The following RB1 variants were observed in gnomAD, a reference collection of about 807,000 sequenced individuals.
RB1 encodes RB transcriptional corepressor 1.
A neutral mutation model predicts 135.4 loss-of-function variants in RB1; 18 were observed. The ratio of observed to expected loss-of-function variants is 0.13; its 90% CI spans 0.09 to 0.20. RB1 has a LOEUF of 0.20. Among genes scored for constraint, RB1 ranks in the 10% least tolerant of loss-of-function variants. The probability of loss-of-function intolerance (pLI) is 1.00; values close to 1 mark genes in which losing one functional copy is unlikely to be tolerated. For synonymous variants in RB1, 365 were observed against 373.2 expected (o/e 0.98, Z 0.25); for missense variants, 868 against 1,110.0 (o/e 0.78, Z 3.10).
chr13:48,318,007 C>A, intron 2 of RB1: 1 of 495,114 alleles, frequency 2.0e-6, no homozygotes, highest in South Asian at 1.8e-5. Flanking sequence ...CCACTGAACT[C>A]CTGTCGTCAG....
chr13:48,427,135 A>T (rs200192780), intron 17 of RB1, among the ~76,000 whole-genome samples: 1 of 150,802 alleles, frequency 6.6e-6, no homozygotes, highest in South Asian at 2.1e-4. Context: ...ACCAAACCTC[A>T]CCTCCAGCAT....
intron 17 of RB1, among the ~76,000 whole-genome samples, chr13:48,447,219 C>G (rs1199236422): frequency 6.6e-6 from 1 of 152,080 alleles, no homozygotes; most frequent in African/African-American, 2.4e-5. Flanking sequence ...ATGGTAAAGA[C>G]TAGGGAGAAG....
At position 48,320,337 on chromosome 13, in the gene RB1, C is replaced by G. The variant is rs1413164989; in HGVS notation, c.264+12931C>G. ...GCAGCGTGCTGATGAGCATCTGCACCCGGGCGCTCACCGACACGCTCTCCA... is the reference window on the plus strand; with the variant it reads ...GCAGCGTGCTGATGAGCATCTGCACGCGGGCGCTCACCGACACGCTCTCCA... On this transcript the variant is annotated intron_variant, in intron 2 of 26. Transcript: ENST00000267163. 2.4e-6 allele frequency: 3 copies of G among 1,254,390 alleles called. No homozygotes were observed. In the African/African-American group the frequency reaches 4.4e-5, roughly 18 times the overall value. 77.7% of individuals were successfully genotyped at this position (1,254,390 alleles called of 1,614,324 possible).
In RB1 at chr13:48,480,064, A is replaced by G; in HGVS notation, c.2780A>G (p.Glu927Gly). Reference sequence around the variant, plus strand: ...AGCATGGATACCTCAAACAAGGAAGAGAAATGAGGATCTCAGGACCTTGGT... The same window carrying G: ...AGCATGGATACCTCAAACAAGGAAGGGAAATGAGGATCTCAGGACCTTGGT... ...NDSMDTSNKE[E>G]K The change falls in exon 27 of 27, where the codon GAG becomes GGG. Residue 927 changes from glutamate (E) to glycine (G), a missense_variant. Transcript: ENST00000267163. 6.2e-7 allele frequency: 1 copy of G among 1,611,838 alleles called. No homozygotes were observed. Among genetic ancestry groups the G allele is most frequent in the East Asian group, 2.2e-5 (1 of 44,820 alleles).
chr13:48,303,961 G>A lies in RB1; in HGVS notation c.49G>A (p.Ala17Thr), dbSNP rs1566174092. 6.6e-7 allele frequency: 1 copy of A among 1,508,914 alleles called. No homozygotes were observed. The highest frequency in any genetic ancestry group is 2.7e-5 in the East Asian group (1 of 37,632). The allele number at this position is 1,508,914 out of a possible 1,614,324, so 93.5% of individuals were successfully genotyped here. ...AACGGCCGCCACCGCCGCCGCTGCCGCCGCGGAACCCCCGGCACCGCCGCC... is the reference window on the plus strand; with the variant it reads ...AACGGCCGCCACCGCCGCCGCTGCCACCGCGGAACCCCCGGCACCGCCGCC... ...RKTAATAAAA[A>T]AEPPAPPPPP... The change falls in exon 1 of 27, where the codon GCC becomes ACC. Residue 17 changes from alanine to threonine, a missense_variant. Physicochemically the swap from Ala to Thr is moderately conservative, Grantham distance 58. Transcript: ENST00000267163.
At chr13:48,414,446 A>G (rs1324658273) in intron 17 of RB1, among the ~76,000 whole-genome samples, 2 of 152,072 alleles carry the variant, frequency 1.3e-5, no homozygotes, top group African/African-American at 4.8e-5. Context: ...TATTTCCTCA[A>G]AGATTGAGGA....
At chr13:48,391,908 C>T (rs1047884535) in intron 17 of RB1, among the ~76,000 whole-genome samples, 2 of 152,148 alleles carry the variant, frequency 1.3e-5, no homozygotes, top group African/African-American at 4.8e-5. Context: ...GCATGAGCCA[C>T]CGCACCCAGC....
Position 48,412,293 on chromosome 13 carries a change from C to T in RB1, c.1695+30850C>T, listed in dbSNP as rs201386780. On this transcript the variant is annotated intron_variant, in intron 17 of 26. Coordinates refer to ENST00000267163, the MANE Select transcript of RB1 (RefSeq NM_000321.3). Reference sequence around the variant, plus strand: ...AGTTTCATTTCGGACTTTGAGGACGCAGATGAAAATGTATATGGCAACACA... The same window carrying T: ...AGTTTCATTTCGGACTTTGAGGACGTAGATGAAAATGTATATGGCAACACA... 3.8e-5 allele frequency: 62 copies of T among 1,613,726 alleles called. 2 individuals are homozygous for T. The East Asian group carries it at 8.5e-4, about 22-fold the overall frequency.
intron 17 of RB1, among the ~76,000 whole-genome samples, chr13:48,396,917 G>T (rs1370927868): frequency 6.6e-6 from 1 of 152,176 alleles, no homozygotes; most frequent in Non-Finnish European, 1.5e-5. Flanking sequence ...CTGGTCATTA[G>T]AGAAATGCAA....
chr13:48,304,034 A>G lies in RB1; in HGVS notation c.122A>G (p.Asp41Gly), dbSNP rs2138027978. 6.9e-7 allele frequency: 1 copy of G among 1,458,848 alleles called. No homozygotes were observed. The highest frequency in any genetic ancestry group is 1.3e-5 in the South Asian group (1 of 75,058). 90.4% of individuals were successfully genotyped at this position (1,458,848 alleles called of 1,614,324 possible). A position where few individuals can be genotyped will look rare whatever the true frequency, so the allele number is the denominator to read the frequency against. ...CCAGAGCAGGACAGCGGCCCGGAGG[A>G]CCTGCCTCTCGTCAGGTGAGCGAGC... Reference protein sequence around the residue: ...EDPEQDSGPEDLPLVRLEFEE... With the variant: ...EDPEQDSGPEGLPLVRLEFEE... Residue 41 changes from aspartate (D) to glycine (G), a missense_variant, in exon 1 of 27, where the codon GAC (aspartate) becomes GGC (glycine). Transcript: ENST00000267163.
Position 48,476,738 on chromosome 13 carries a change from G to T in RB1, c.2558G>T (p.Cys853Phe). Residue 853 changes from cysteine to phenylalanine, a missense_variant, in exon 25 of 27, where the codon TGT (cysteine) becomes TTT (phenylalanine). Coordinates refer to ENST00000267163, the MANE Select transcript of RB1 (RefSeq NM_000321.3). ...TTCCAGAAAATAAATCAGATGGTATGTAACAGCGACCGTGTGCTCAAAAGA... is the reference window on the plus strand; with the variant it reads ...TTCCAGAAAATAAATCAGATGGTATTTAACAGCGACCGTGTGCTCAAAAGA... ...EKFQKINQMVCNSDRVLKRSA... is the reference protein window; with the variant it reads ...EKFQKINQMVFNSDRVLKRSA... 1.9e-6 allele frequency: 3 copies of T among 1,613,424 alleles called. No homozygotes were observed. The highest frequency in any genetic ancestry group is 2.5e-6 in the Non-Finnish European group (3 of 1,179,502).
intron 17 of RB1, among the ~76,000 whole-genome samples, chr13:48,432,962 GAAT>G (rs1327639043): frequency 1.3e-5 from 2 of 152,002 alleles, no homozygotes; most frequent in Non-Finnish European, 1.5e-5. Flanking sequence ...TGAAATCAGA[GAAT>G]AATATCTTTA....
At chr13:48,348,330 T>C (rs181357955) in intron 5 of RB1, among the ~76,000 whole-genome samples, 2 of 152,012 alleles carry the variant, frequency 1.3e-5, no homozygotes, top group African/African-American at 4.8e-5. Flanking sequence ...GAATGAGTAG[T>C]ACATGAGATT....
At chr13:48,406,768 G>T (rs1948743705) in intron 17 of RB1, 1 of 152,174 alleles carries the variant, frequency 6.6e-6, no homozygotes. Flanking sequence ...AAGAATCTGG[G>T]TTCAGCCAGG....
At chr13:48,352,727 G>A (rs1387694032) in intron 6 of RB1, among the ~76,000 whole-genome samples, 1 of 152,124 alleles carries the variant, frequency 6.6e-6, no homozygotes, top group Non-Finnish European at 1.5e-5. Context: ...TGCTGAAGTT[G>A]TTGATCAGCT....
At chr13:48,411,828 A>T (rs1948810884) in intron 17 of RB1, 1 of 1,612,916 alleles carries the variant, frequency 6.2e-7, no homozygotes, top group African/African-American at 1.3e-5. Context: ...AGTTACATTT[A>T]AAATTAGAGG....
intron 6 of RB1, among the ~76,000 whole-genome samples, chr13:48,350,254 T>C (rs1315350292): frequency 6.6e-6 from 1 of 152,132 alleles, no homozygotes; most frequent in East Asian, 1.9e-4. Context: ...TGTCTGCATA[T>C]TGATCATTCT....
intron 2 of RB1, among the ~76,000 whole-genome samples, chr13:48,336,140 A>C (rs544935129): frequency 9.9e-5 from 15 of 151,852 alleles, no homozygotes; most frequent in Non-Finnish European, 1.5e-4. Flanking sequence ...ATCAGTCTAA[A>C]ATTCTCTTTT....
intron 2 of RB1, among the ~76,000 whole-genome samples, chr13:48,335,316 T>G (rs1265302768): frequency 6.6e-6 from 1 of 152,188 alleles, no homozygotes; most frequent in Non-Finnish European, 1.5e-5. Context: ...CTACTATTTT[T>G]GCTATTATAA....
Sources: allele counts gnomAD v4.1 joint callset (sites outside exome capture counted in the v4.1 genomes callset), GRCh38; gene constraint gnomAD v4.1.1; transcripts MANE v1.5; gene names NCBI Gene and HGNC (gene_info 2026-07-23, HGNC 2026-07-21).